Variants in COL8A2 observed in about 807,000 individuals in gnomAD.
COL8A2 encodes collagen alpha-2(VIII) chain.
Under a neutral mutation model 24.0 loss-of-function variants are expected in COL8A2, and 16 were observed. That is an observed-to-expected ratio of 0.67 (90% CI 0.45 to 1.01). The LOEUF (loss-of-function observed/expected upper bound fraction) is 1.01, where lower values mean the gene tolerates loss of function less well. Among genes scored for constraint, COL8A2 ranks in the 50% least tolerant of loss-of-function variants. The pLI is 0.00. For missense variants in COL8A2, 818 were observed against 942.4 expected (o/e 0.87, Z 1.73); for synonymous variants, 466 against 424.5 (o/e 1.10, Z -1.20).
intron 2 of COL8A2, among the ~76,000 whole-genome samples, chr1:36,109,075 G>A (rs1003609265): frequency 2.0e-5 from 3 of 152,182 alleles, no homozygotes; most frequent in South Asian, 2.1e-4. Context: ...GCAGCCCTGC[G>A]CAGGCCCCTA....
chr1:36,103,379 TC>T (rs1643707444), intron 2 of COL8A2, among the ~76,000 whole-genome samples: 1 of 151,746 alleles, frequency 6.6e-6, no homozygotes, highest in East Asian at 1.9e-4. Context: ...TTCACACCGT[TC>T]TCCTGCCTCA....
rs765175835 is a variant in COL8A2, at chr1:36,123,551, G to A, written c.-62+1506C>T. Among the ~76,000 whole-genome samples, 5 of 152,178 alleles carry A rather than the reference G, an allele frequency of 3.3e-5. No individual in the cohort carries two copies. Among genetic ancestry groups the A allele is most frequent in the South Asian group, 2.1e-4 (1 of 4,824 alleles). On this transcript the variant is annotated intron_variant, in intron 1 of 3. Transcript: ENST00000397799. This position sits in a 1 kb window ranked among gnomAD's most constrained non-coding sequence, Gnocchi z 4.1. ...CTGGTGAGTGTGTCTGGGTGTGAGC[G>A]TATGTGTGTGTGTGCCGTCCTGTCT...
intron 2 of COL8A2, among the ~76,000 whole-genome samples, chr1:36,105,950 TAAAAA>T (rs3075652): frequency 7.8e-6 from 1 of 128,126 alleles, no homozygotes; most frequent in Non-Finnish European, 1.6e-5. Flanking sequence ...CTGTCTCACT[TAAAAA>T]AAAAAAAAAA....
intron 2 of COL8A2, among the ~76,000 whole-genome samples, chr1:36,102,403 T>TA (rs1464094070): frequency 6.6e-6 from 1 of 151,944 alleles, no homozygotes; most frequent in Non-Finnish European, 1.5e-5. Flanking sequence ...CGGGCTCAAG[T>TA]AATCCTCCCA....
At chr1:36,119,250 A>G (rs72661673) in intron 1 of COL8A2, among the ~76,000 whole-genome samples, 3,756 of 152,324 alleles carry the variant, frequency 0.025, 76 homozygotes, top group Non-Finnish European at 0.038. Flanking sequence ...ACGGACTCAG[A>G]GCAGTGCTTG....
chr1:36,098,278 T>C lies in COL8A2; in HGVS notation c.1403A>G (p.Gln468Arg). The change falls in exon 4 of 4, where the codon CAG becomes CGG. Residue 468 changes from glutamine to arginine, a missense_variant. Physicochemically the swap from Gln to Arg is conservative, Grantham distance 43. This residue lies in a region of COL8A2 where 10 missense variants were observed against 28.3 expected (regional missense o/e 0.35). Transcript: ENST00000397799. ...GGGCCCAATAGGGCCAGCTGGACCC[T>C]GGAGTCCTGGGATTCCTGAGGGACC... ...LRGPSGIPGL[Q>R]GPAGPIGPQG... The C allele has an allele frequency of 6.5e-7, 1 of 1,546,816 alleles. No individual in the cohort carries two copies. Among genetic ancestry groups the C allele is most frequent in the Non-Finnish European group, 8.7e-7 (1 of 1,145,846 alleles).
intron 2 of COL8A2, among the ~76,000 whole-genome samples, chr1:36,112,250 G>T (rs1014369993): frequency 6.6e-6 from 1 of 151,992 alleles, no homozygotes; most frequent in Non-Finnish European, 1.5e-5. Context: ...TGATCCGCCC[G>T]CCTCGGCCTC....
At chr1:36,111,848 G>A (rs774758620) in intron 2 of COL8A2, among the ~76,000 whole-genome samples, 8 of 151,926 alleles carry the variant, frequency 5.3e-5, no homozygotes, top group Non-Finnish European at 7.4e-5. Context: ...ACTATCAGCC[G>A]AGCATGTCCC....
At chr1:36,105,817 C>T (rs1238949922) in intron 2 of COL8A2, among the ~76,000 whole-genome samples, 3 of 151,794 alleles carry the variant, frequency 2.0e-5, no homozygotes, top group African/African-American at 7.3e-5. Context: ...GACTTGGTGG[C>T]GCGGGTCTGT....
chr1:36,115,226 G>A lies in COL8A2; in HGVS notation c.-17+482C>T, dbSNP rs1365646744. On this transcript the variant is annotated intron_variant, in intron 2 of 3. Transcript: ENST00000397799. The surrounding 1 kb of genome is among the most constrained non-coding windows in gnomAD (Gnocchi z 5.7). ...CCCAGCCACCCCCAGGCCTCAGGCA[G>A]GGGCAGGCGGGGCCTCCTCAGCCTC... Among the ~76,000 whole-genome samples, 1 of 152,220 alleles carries A rather than the reference G, an allele frequency of 6.6e-6. No homozygotes were observed. The highest frequency in any genetic ancestry group is 1.5e-5 in the Non-Finnish European group (1 of 68,024).
chr1:36,124,831 G>A (rs916060049), intron 1 of COL8A2, among the ~76,000 whole-genome samples: 1 of 152,134 alleles, frequency 6.6e-6, no homozygotes, highest in Non-Finnish European at 1.5e-5. Flanking sequence ...AGGAAGGGAG[G>A]AGGGGGCTTT....
chr1:36,121,385 TC>T (rs2124113802), intron 1 of COL8A2, among the ~76,000 whole-genome samples: 1 of 46,210 alleles, frequency 2.2e-5, no homozygotes, highest in South Asian at 9.8e-4. Flanking sequence ...CCAGACTCTG[TC>T]TCAAAAAAAA....
At chr1:36,114,401 C>T (rs1464959302) in intron 2 of COL8A2, among the ~76,000 whole-genome samples, 2 of 151,962 alleles carry the variant, frequency 1.3e-5, no homozygotes, top group African/African-American at 4.8e-5. Context: ...TTGGGGAACA[C>T]GCCTACATTT....
chr1:36,114,035 G>A (rs1319504008), intron 2 of COL8A2, among the ~76,000 whole-genome samples: 5 of 151,870 alleles, frequency 3.3e-5, no homozygotes, highest in African/African-American at 1.2e-4. Flanking sequence ...ATACAGGTTC[G>A]TGGCTGGGCG....
chr1:36,108,266 G>A (rs532782833), intron 2 of COL8A2, among the ~76,000 whole-genome samples: 38 of 152,178 alleles, frequency 2.5e-4, no homozygotes, highest in Non-Finnish European at 2.8e-4. Flanking sequence ...GTGTGCAGGG[G>A]AGGACACTTC....
chr1:36,115,589 A>G lies in COL8A2; in HGVS notation c.-17+119T>C, dbSNP rs1003549053. 1 of 431,452 alleles carries G rather than the reference A, an allele frequency of 2.3e-6. No homozygotes were observed. Among genetic ancestry groups the G allele is most frequent in the Non-Finnish European group, 3.1e-6 (1 of 323,948 alleles). The allele number at this position is 431,452 out of a possible 1,614,324, so 26.7% of individuals were successfully genotyped here. ...ACATACAAAAGGGGTGGCTCACAGGACTCTCTGGGCCTGGGAGGGGCTTCC... is the reference window on the plus strand; with the variant it reads ...ACATACAAAAGGGGTGGCTCACAGGGCTCTCTGGGCCTGGGAGGGGCTTCC... On this transcript the variant is annotated intron_variant, in intron 2 of 3. Transcript: ENST00000397799. The surrounding 1 kb of genome is among the most constrained non-coding windows in gnomAD (Gnocchi z 5.7).
intron 1 of COL8A2, among the ~76,000 whole-genome samples, chr1:36,122,646 T>G (rs1352213841): frequency 6.6e-6 from 1 of 151,938 alleles, no homozygotes; most frequent in Non-Finnish European, 1.5e-5. Flanking sequence ...CATCTACTTC[T>G]TCCTCTCATC....
intron 2 of COL8A2, among the ~76,000 whole-genome samples, chr1:36,101,189 C>T (rs965548794): frequency 2.6e-5 from 4 of 152,034 alleles, no homozygotes; most frequent in African/African-American, 7.3e-5. Flanking sequence ...CCACCGCGCC[C>T]GGCCTGCATT....
chr1:36,108,189 G>C (rs1643788397), intron 2 of COL8A2, among the ~76,000 whole-genome samples: 1 of 152,246 alleles, frequency 6.6e-6, no homozygotes, highest in Non-Finnish European at 1.5e-5. Flanking sequence ...AACGGGAAAA[G>C]CAAGGAACAT....
Sources: allele counts gnomAD v4.1 joint callset (sites outside exome capture counted in the v4.1 genomes callset), GRCh38; gene constraint gnomAD v4.1.1; regional missense constraint gnomAD v4.1.1; non-coding constraint Gnocchi (gnomAD v3.1); transcripts MANE v1.5; gene names NCBI Gene and HGNC (gene_info 2026-07-23, HGNC 2026-07-21).